ZMYM2: variants seen among roughly 807,000 people sequenced by gnomAD.
The protein encoded by ZMYM2 is zinc finger MYM-type containing 2.
In ZMYM2, 56 loss-of-function variants were observed where a neutral mutation model predicts 162.8. The ratio of observed to expected loss-of-function variants is 0.34; its 90% CI spans 0.28 to 0.43. The LOEUF is 0.43. Among genes scored for constraint, ZMYM2 ranks in the 20% least tolerant of loss-of-function variants. The probability of loss-of-function intolerance (pLI) is 1.00; values close to 1 mark genes in which losing one functional copy is unlikely to be tolerated. For synonymous variants in ZMYM2, 510 were observed against 541.6 expected (o/e 0.94, Z 0.81); for missense variants, 1,275 against 1,621.8 (o/e 0.79, Z 3.67).
chr13:19,884,771 C>T, the ZMYM2 span, among the ~76,000 whole-genome samples: 59 of 152,136 alleles, frequency 3.9e-4, no homozygotes, highest in African/African-American at 1.4e-3. Flanking sequence ...AACATAGTGC[C>T]GACGCCCCCA....
chr13:19,909,050 T>C, the ZMYM2 span, among the ~76,000 whole-genome samples: 1 of 152,332 alleles, frequency 6.6e-6, no homozygotes, highest in South Asian at 2.1e-4. Flanking sequence ...ACTCAGTCAA[T>C]GTTTACTGGT....
chr13:19,950,430 C>A, the ZMYM2 span, among the ~76,000 whole-genome samples: 9 of 152,218 alleles, frequency 5.9e-5, no homozygotes. Flanking sequence ...TGAACTGCAA[C>A]CCAACTGGAT....
intron 14 of ZMYM2, among the ~76,000 whole-genome samples, chr13:20,054,353 C>A (rs374598415): frequency 9.5e-4 from 144 of 152,324 alleles, no homozygotes; most frequent in African/African-American, 3.0e-3. Context: ...TAAACTTTGA[C>A]ATCAGATGAG....
At chr13:19,931,599 C>T in the ZMYM2 span, among the ~76,000 whole-genome samples, 1 of 152,232 alleles carries the variant, frequency 6.6e-6, no homozygotes, top group African/African-American at 2.4e-5. Flanking sequence ...TGGCTTCTTT[C>T]ACTTAGCAAT....
intron 19 of ZMYM2, among the ~76,000 whole-genome samples, chr13:20,066,136 A>G (rs1350283647): frequency 1.3e-5 from 2 of 152,236 alleles, no homozygotes; most frequent in African/African-American, 4.8e-5. Flanking sequence ...CAGTCAGTTC[A>G]AAGCAAATAC....
At chr13:20,036,618 G>C in intron 11 of ZMYM2, 119 bp from the exon 12 acceptor site, 1 of 719,710 alleles carries the variant, frequency 1.4e-6, no homozygotes, top group Non-Finnish European at 2.0e-6. Context: ...ATTGATTACA[G>C]TAGATTTTAT....
intron 6 of ZMYM2, among the ~76,000 whole-genome samples, chr13:20,015,795 C>T (rs2140117109): frequency 6.6e-6 from 1 of 152,078 alleles, no homozygotes; most frequent in Non-Finnish European, 1.5e-5. Context: ...TATGGCAACC[C>T]CAACTCTCTT....
chr13:19,934,791 G>A, the ZMYM2 span, among the ~76,000 whole-genome samples: 3 of 143,342 alleles, frequency 2.1e-5, no homozygotes, highest in African/African-American at 8.1e-5. Context: ...TTTTGAGATG[G>A]AGTCTCTCTC....
the ZMYM2 span, among the ~76,000 whole-genome samples, chr13:19,865,310 A>G: frequency 1.3e-5 from 2 of 152,238 alleles, no homozygotes; most frequent in Non-Finnish European, 1.5e-5. Flanking sequence ...CTGCATTCAA[A>G]GCCGTCCTGG....
chr13:19,939,559 T>C, the ZMYM2 span, among the ~76,000 whole-genome samples: 2 of 152,224 alleles, frequency 1.3e-5, no homozygotes, highest in Admixed American at 6.5e-5. Flanking sequence ...CTAACAACTT[T>C]TCCATTTTTG....
upstream of ZMYM2, among the ~76,000 whole-genome samples, chr13:19,954,796 A>G (rs1355370056): frequency 1.3e-5 from 2 of 151,418 alleles, no homozygotes; most frequent in South Asian, 2.1e-4. Flanking sequence ...CAGTGTTTCC[A>G]TTGTTAAAAT....
At chr13:20,003,420 T>G (rs1054479539) in intron 4 of ZMYM2, among the ~76,000 whole-genome samples, 1 of 152,248 alleles carries the variant, frequency 6.6e-6, no homozygotes, top group Non-Finnish European at 1.5e-5. Context: ...ATAAAAATGC[T>G]AAGCAGTTTA....
chr13:20,084,468 A>G (rs951382179), intron 24 of ZMYM2, among the ~76,000 whole-genome samples: 3 of 152,190 alleles, frequency 2.0e-5, no homozygotes, highest in Non-Finnish European at 4.4e-5. Context: ...GCCATATACT[A>G]TATATAAATT....
intron 2 of ZMYM2, among the ~76,000 whole-genome samples, chr13:19,981,729 G>A (rs1184224548): frequency 6.6e-6 from 1 of 152,014 alleles, no homozygotes; most frequent in African/African-American, 2.4e-5. Context: ...TTCTTAAAAT[G>A]TTTTCTCCCC....
At position 20,006,615 on chromosome 13, in the gene ZMYM2, AT is replaced by A. The variant is rs754431648; in HGVS notation, c.1512+31del. The A allele has an allele frequency of 1.7e-4, 279 of 1,602,666 alleles. 4 individuals are homozygous for A. The South Asian group carries it at 2.3e-3, about 13-fold the overall frequency. ...ATTCATGTTCTAATCAAAATTGGGC[AT>A]TCTTTAGAATGTTCTTGAAAGTGTT... On this transcript the variant is annotated intron_variant, in intron 6 of 24. Transcript: ENST00000610343.
At chr13:19,979,986 C>A (rs1459544398) in intron 2 of ZMYM2, among the ~76,000 whole-genome samples, 1 of 151,936 alleles carries the variant, frequency 6.6e-6, no homozygotes, top group Non-Finnish European at 1.5e-5. Context: ...TGTATTTTTT[C>A]TTTTTTAAAA....
intron 6 of ZMYM2, among the ~76,000 whole-genome samples, chr13:20,016,770 T>G (rs1951666541): frequency 6.6e-6 from 1 of 152,230 alleles, no homozygotes; most frequent in Non-Finnish European, 1.5e-5. Context: ...TTTCCGTATT[T>G]TCTTTGTCTT....
intron 6 of ZMYM2, among the ~76,000 whole-genome samples, chr13:20,007,620 G>GTTTT (rs71198950): frequency 7.4e-6 from 1 of 135,044 alleles, no homozygotes; most frequent in Admixed American, 7.4e-5. Context: ...TCCCTCTTTA[G>GTTTT]TTTTTTTTTT....
chr13:20,079,741 G>A (rs1360844216), intron 21 of ZMYM2, among the ~76,000 whole-genome samples: 1 of 152,070 alleles, frequency 6.6e-6, no homozygotes, highest in Non-Finnish European at 1.5e-5. Context: ...TTAAGTGTTC[G>A]CACTTCATTT....
Sources: gnomAD v4.1 joint callset for allele counts (sites outside exome capture counted in the v4.1 genomes callset) on GRCh38, gnomAD v4.1.1 for gene constraint, MANE v1.5 for transcripts, NCBI Gene and HGNC (gene_info 2026-07-23, HGNC 2026-07-21) for gene names.